The following PSMB1 variants were observed in gnomAD, a reference collection of about 807,000 sequenced individuals.
The protein encoded by PSMB1 is proteasome subunit beta type-1.
In PSMB1, 7 loss-of-function variants were observed where a neutral mutation model predicts 25.4. The ratio of observed to expected loss-of-function variants is 0.28; its 90% CI spans 0.16 to 0.52. The LOEUF is 0.52. Among genes scored for constraint, PSMB1 ranks in the 20% least tolerant of loss-of-function variants. PSMB1 has a pLI of 0.97. For missense variants in PSMB1, 284 were observed against 302.2 expected (o/e 0.94, Z 0.45); for synonymous variants, 119 against 115.0 (o/e 1.03, Z -0.22).
At chr6:170,548,959 A>G in intron 2 of PSMB1, 47 bp downstream of exon 2, 2 of 1,357,214 alleles carry the variant, frequency 1.5e-6, no homozygotes, top group South Asian at 1.2e-5. Context: ...CACAACATCA[A>G]ATCATTACAA....
At position 170,553,185 on chromosome 6, in the gene PSMB1, G is replaced by A. The variant is rs1189721110; in HGVS notation, c.58C>T (p.His20Tyr). 17 of 1,613,930 alleles carry A rather than the reference G, an allele frequency of 1.1e-5. No homozygotes were observed. Among genetic ancestry groups the A allele is most frequent in the East Asian group, 2.2e-5 (1 of 44,870 alleles). ...AGCTGCAAAGGGCCCGCGGCTCTGT[G>A]CGGTTCCATCCCCAAGTCTCTGCCA... ...APGRDLGMEP[H>Y]RAAGPLQLRF... Residue 20 changes from histidine (H) to tyrosine (Y), a missense_variant, in exon 1 of 6, where the codon CAC becomes TAC. Coordinates refer to ENST00000262193, the MANE Select transcript of PSMB1 (RefSeq NM_002793.4).
At chr6:170,552,891 C>T (rs1009889744) in intron 1 of PSMB1, among the ~76,000 whole-genome samples, 2 of 152,216 alleles carry the variant, frequency 1.3e-5, no homozygotes, top group East Asian at 1.9e-4. Flanking sequence ...TAATGGGAAA[C>T]CCTAAAAACC....
In PSMB1 at chr6:170,550,911, G is replaced by A. The variant is rs1016098970; in HGVS notation, c.114-1798C>T. On this transcript the variant is annotated intron_variant, in intron 1 of 5. Transcript: ENST00000262193. ...CAACACTTTGGGAGGCTGAGGGGGGGGGGGGGGGTCAATTGCCTGAGATCA... is the reference window on the plus strand; with the variant it reads ...CAACACTTTGGGAGGCTGAGGGGGGAGGGGGGGGTCAATTGCCTGAGATCA... Among the ~76,000 whole-genome samples the A allele has an allele frequency of 1.6e-4, 24 of 148,786 alleles. 1 individual carries two copies. The highest frequency in any genetic ancestry group is 5.4e-4 in the African/African-American group (22 of 40,470).
At chr6:170,535,551 A>G in intron 5 of PSMB1, 146 bp from the exon 6 acceptor site, 1 of 689,888 alleles carries the variant, frequency 1.4e-6, no homozygotes, top group Non-Finnish European at 2.4e-6. Context: ...CTGAATAAAG[A>G]CCCTTCCAGA....
At chr6:170,536,306 A>G (rs947869623) in intron 5 of PSMB1, 1 of 442,834 alleles carries the variant, frequency 2.3e-6, no homozygotes, top group East Asian at 7.0e-5. Flanking sequence ...CTACCATAAA[A>G]TACACATAAA....
rs368487055 is a variant in PSMB1 at position 170,547,296 on chromosome 6, A to G, written c.222-1112T>C. Among the ~76,000 whole-genome samples the G allele has an allele frequency of 6.8e-4, 104 of 152,348 alleles. 1 individual carries two copies. In the South Asian group the frequency reaches 0.021, roughly 30 times the overall value. Reference sequence around the variant, plus strand: ...GCTCTAGACTCACCAGTGAGTACTCATTTAAATAGCACCCCAAAACAAAAC... The same window carrying G: ...GCTCTAGACTCACCAGTGAGTACTCGTTTAAATAGCACCCCAAAACAAAAC... On this transcript the variant is annotated intron_variant, in intron 2 of 5. Transcript: ENST00000262193.
chr6:170,548,910 A>C (rs1394056725), intron 2 of PSMB1, 96 bp downstream of exon 2: 2 of 954,464 alleles, frequency 2.1e-6, no homozygotes, highest in African/African-American at 3.3e-5. Context: ...ACAGCAACTT[A>C]AAAACTCATG....
At chr6:170,548,385 C>CT (rs1244792560) in intron 2 of PSMB1, among the ~76,000 whole-genome samples, 2 of 151,988 alleles carry the variant, frequency 1.3e-5, no homozygotes, top group Non-Finnish European at 2.9e-5. Flanking sequence ...TTTATGCAGG[C>CT]TTTTTGTTTT....
In PSMB1 at chr6:170,537,245, G is replaced by A; in HGVS notation, c.529C>T (p.Leu177Phe). 2 of 1,613,058 alleles carry A rather than the reference G, an allele frequency of 1.2e-6. No individual in the cohort carries two copies. The highest frequency in any genetic ancestry group is 1.7e-6 in the Non-Finnish European group (2 of 1,179,076). Residue 177 changes from leucine to phenylalanine, a missense_variant, in exon 5 of 6, where the codon CTT (leucine) becomes TTT (phenylalanine). Leu to Phe is a conservative substitution (Grantham distance 22). Transcript: ENST00000262193. Reference protein sequence around the residue: ...GSASAMLQPLLDNQVGFKNMQ... With the variant: ...GSASAMLQPLFDNQVGFKNMQ... ...CACAGTATCATTACCTGGTTGTCAA[G>A]CAGGGGCTGTAGCATGGCACTTGCT...
intron 5 of PSMB1, among the ~76,000 whole-genome samples, chr6:170,536,046 AAT>A (rs1311968683): frequency 1.3e-5 from 2 of 152,206 alleles, no homozygotes; most frequent in Non-Finnish European, 2.9e-5. Flanking sequence ...TGTAGGTCTG[AAT>A]TTAGCCAGCA....
At chr6:170,538,988 A>G (rs914579920) in intron 4 of PSMB1, among the ~76,000 whole-genome samples, 1 of 152,216 alleles carries the variant, frequency 6.6e-6, no homozygotes, top group African/African-American at 2.4e-5. Flanking sequence ...CAACAAATTT[A>G]AAAAAATAAA....
At chr6:170,535,439 G>A (rs1239960276) in intron 5 of PSMB1, 34 bp from the exon 6 acceptor site, 3 of 1,559,126 alleles carry the variant, frequency 1.9e-6, no homozygotes, top group African/African-American at 1.4e-5. Flanking sequence ...GAGATGTCAT[G>A]TGACAGTGAG....
chr6:170,540,588 C>CAAAAAAAAAAAAAAAAAA (rs5881872), intron 4 of PSMB1, among the ~76,000 whole-genome samples: 1 of 61,200 alleles, frequency 1.6e-5, no homozygotes, highest in African/African-American at 8.3e-5. Flanking sequence ...GAATGGACAG[C>CAAAAAAAAAAAAAAAAAA]AAAAAAAAAA....
At chr6:170,549,724 G>C (rs1023957784) in intron 1 of PSMB1, 1 of 152,142 alleles carries the variant, frequency 6.6e-6, no homozygotes, top group African/African-American at 2.4e-5. Context: ...TTCCCGTTTC[G>C]CAGATATGAG....
rs1387823610 is a variant in PSMB1 at position 170,543,641 on chromosome 6, T to C, written c.393A>G (p.Pro131=). 1.9e-6 allele frequency: 3 copies of C among 1,612,036 alleles called. No individual in the cohort carries two copies. Among genetic ancestry groups the C allele is most frequent in the Non-Finnish European group, 2.5e-6 (3 of 1,178,264 alleles). ...CACCGATGATGTTGTAAACATAGTA[T>C]GGAAAGAAGCGCCTTGAATACAGGA... The part of the protein sequence containing the change: ...STILYSRRFF[P]YYVYNIIGGL... Residue 131 remains proline (P), a synonymous_variant, in exon 4 of 6, where the codon CCA becomes CCG. Coordinates refer to ENST00000262193, the MANE Select transcript of PSMB1 (RefSeq NM_002793.4).
intron 3 of PSMB1, among the ~76,000 whole-genome samples, chr6:170,545,746 C>G (rs969113880): frequency 1.3e-5 from 2 of 152,188 alleles, no homozygotes; most frequent in African/African-American, 2.4e-5. Context: ...GTGATGCAAA[C>G]CAAGCTCCTG....
intron 4 of PSMB1, among the ~76,000 whole-genome samples, chr6:170,539,057 AAG>A: frequency 6.6e-6 from 1 of 152,346 alleles, no homozygotes; most frequent in Non-Finnish European, 1.5e-5. Flanking sequence ...TAGAAGAAGC[AAG>A]AGAGACACTA....
chr6:170,536,296 C>T (rs759762266), intron 5 of PSMB1: 3 of 436,676 alleles, frequency 6.9e-6, no homozygotes, highest in Non-Finnish European at 1.4e-5. Flanking sequence ...TTATCATTTA[C>T]TACCATAAAA....
intron 1 of PSMB1, 34 bp downstream of exon 1, chr6:170,553,096 G>T: frequency 6.5e-7 from 1 of 1,543,872 alleles, no homozygotes; most frequent in Non-Finnish European, 8.8e-7. Context: ...GGGGAAGGGC[G>T]AAAGTGAAAG....
Sources: allele counts gnomAD v4.1 joint callset (sites outside exome capture counted in the v4.1 genomes callset), GRCh38; gene constraint gnomAD v4.1.1; transcripts MANE v1.5; gene names NCBI Gene and HGNC (gene_info 2026-07-23, HGNC 2026-07-21).